Variants in HEATR5B observed in about 807,000 individuals in gnomAD.
The protein encoded by HEATR5B is HEAT repeat-containing protein 5B.
A neutral mutation model predicts 224.1 loss-of-function variants in HEATR5B; 156 were observed. The observed-to-expected ratio is 0.70, with a 90% CI of 0.61 to 0.80. The LOEUF (loss-of-function observed/expected upper bound fraction) is 0.80, where lower values mean the gene tolerates loss of function less well. Among genes scored for constraint, HEATR5B ranks in the 30% least tolerant of loss-of-function variants. The pLI, the probability that HEATR5B is intolerant of heterozygous loss-of-function variation, is 0.00. For missense variants in HEATR5B, 2,323 were observed against 2,535.5 expected (o/e 0.92, Z 1.80); for synonymous variants, 1,027 against 893.0 (o/e 1.15, Z -2.68).
intron 35 of HEATR5B, among the ~76,000 whole-genome samples, chr2:36,984,945 T>C (rs552650319): frequency 1.3e-5 from 2 of 152,274 alleles, no homozygotes; most frequent in South Asian, 4.1e-4. Flanking sequence ...GGACAAGATT[T>C]GAATAACAGA....
intron 10 of HEATR5B, among the ~76,000 whole-genome samples, chr2:37,062,762 CT>C (rs1387414272): frequency 6.6e-6 from 1 of 152,194 alleles, no homozygotes; most frequent in African/African-American, 2.4e-5. Context: ...TCTTCTAAGA[CT>C]GTAAGCTCCA....
chr2:36,999,888 T>A (rs1042379288), intron 33 of HEATR5B, among the ~76,000 whole-genome samples: 5 of 151,482 alleles, frequency 3.3e-5, no homozygotes, highest in African/African-American at 1.2e-4. Flanking sequence ...GGCAGGCATC[T>A]GTAATCCCAG....
chr2:37,017,855 T>C (rs935188428), intron 26 of HEATR5B, among the ~76,000 whole-genome samples: 3 of 152,170 alleles, frequency 2.0e-5, no homozygotes, highest in Non-Finnish European at 2.9e-5. Context: ...CATTTTAAAA[T>C]TTTATGCTGA....
At chr2:37,037,293 A>C (rs1249729730) in intron 21 of HEATR5B, among the ~76,000 whole-genome samples, 7 of 151,174 alleles carry the variant, frequency 4.6e-5, no homozygotes, top group Middle Eastern at 3.4e-3. Flanking sequence ...CTACAGGTGC[A>C]CGCCACCACG....
At chr2:37,038,368 G>A (rs1289399359) in intron 20 of HEATR5B, among the ~76,000 whole-genome samples, 2 of 151,990 alleles carry the variant, frequency 1.3e-5, no homozygotes, top group African/African-American at 4.8e-5. Context: ...TCGAACTTCT[G>A]ACCTCAAATG....
intron 21 of HEATR5B, among the ~76,000 whole-genome samples, chr2:37,034,538 G>A (rs1228954534): frequency 2.1e-5 from 3 of 141,912 alleles, no homozygotes; most frequent in East Asian, 2.1e-4. Context: ...GCGTGAACCC[G>A]GGAGGCGGAG....
At chr2:36,981,872 G>T in intron 35 of HEATR5B, 78 bp from the exon 36 acceptor site, 1 of 1,049,156 alleles carries the variant, frequency 9.5e-7, no homozygotes, top group Non-Finnish European at 1.4e-6. Context: ...AATTGCCATG[G>T]AAGACTGAAC....
chr2:37,045,691 C>T (rs1222909839), intron 18 of HEATR5B, among the ~76,000 whole-genome samples: 1 of 152,206 alleles, frequency 6.6e-6, no homozygotes, highest in East Asian at 1.9e-4. Flanking sequence ...GCTCTCTCCT[C>T]TCTGTTATTC....
At chr2:37,045,930 C>A (rs1314114952) in intron 18 of HEATR5B, among the ~76,000 whole-genome samples, 1 of 152,150 alleles carries the variant, frequency 6.6e-6, no homozygotes, top group African/African-American at 2.4e-5. Flanking sequence ...GTTTTTCTAA[C>A]AATTTAAGAC....
At chr2:37,059,780 T>C (rs1489307842) in intron 12 of HEATR5B, among the ~76,000 whole-genome samples, 1 of 152,058 alleles carries the variant, frequency 6.6e-6, no homozygotes, top group Non-Finnish European at 1.5e-5. Flanking sequence ...TTTTTGCATT[T>C]TGAATTTTTA....
intron 14 of HEATR5B, among the ~76,000 whole-genome samples, chr2:37,058,176 C>CT (rs1671030394): frequency 6.6e-6 from 1 of 152,136 alleles, no homozygotes; most frequent in South Asian, 2.1e-4. Flanking sequence ...AGTTAAGTTT[C>CT]TTTAAGTCTC....
chr2:37,011,393 G>C (rs1454148640), intron 27 of HEATR5B, among the ~76,000 whole-genome samples: 1 of 152,194 alleles, frequency 6.6e-6, no homozygotes, highest in African/African-American at 2.4e-5. Flanking sequence ...TACTCTGCAG[G>C]CAATGGGGAA....
At position 37,007,436 on chromosome 2, in the gene HEATR5B, T is replaced by C. The variant is rs1057356890; in HGVS notation, c.4523-132A>G. ...TTGGCTCACTGCAACCTCCTCCTGC[T>C]GGGTTCAAGCAATTCTCCTGCCTCA... On this transcript the variant is annotated intron_variant, in intron 28 of 35. Coordinates refer to ENST00000233099, the MANE Select transcript of HEATR5B (RefSeq NM_019024.3). The C allele has an allele frequency of 5.1e-6, 5 of 985,550 alleles. No individual in the cohort carries two copies. In the South Asian group the frequency reaches 8.9e-5, roughly 18 times the overall value. The allele number at this position is 985,550 out of a possible 1,614,324, so 61.1% of individuals were successfully genotyped here.
intron 7 of HEATR5B, 23 bp from the exon 8 acceptor site, chr2:37,068,953 C>T (rs376518075): frequency 6.2e-7 from 1 of 1,603,126 alleles, no homozygotes; most frequent in East Asian, 2.2e-5. Context: ...GAAGGTACGA[C>T]TTCAGATACA....
chr2:37,027,844 G>T, intron 24 of HEATR5B, 79 bp downstream of exon 24: 1 of 1,388,366 alleles, frequency 7.2e-7, no homozygotes, highest in Non-Finnish European at 1.0e-6. Context: ...TATATCTGTC[G>T]CAGTAAAATA....
Position 37,028,177 on chromosome 2 carries a change from A to G in HEATR5B, c.3602-3T>C, listed in dbSNP as rs368324358. 9 of 1,588,212 alleles carry G rather than the reference A, an allele frequency of 5.7e-6. No individual in the cohort carries two copies. The African/African-American group carries it at 6.7e-5, about 12-fold the overall frequency. Reference sequence around the variant, plus strand: ...TAAGAGAGTTGCAGTACTCATATCTATAACAAGAATAAGGAATATTGTAAC... The same window carrying G: ...TAAGAGAGTTGCAGTACTCATATCTGTAACAAGAATAAGGAATATTGTAAC... On this transcript the variant is annotated splice_polypyrimidine_tract_variant and splice_region_variant and intron_variant, in intron 23 of 35. Transcript: ENST00000233099.
At chr2:36,998,216 G>T (rs1237734781) in intron 33 of HEATR5B, among the ~76,000 whole-genome samples, 1 of 151,714 alleles carries the variant, frequency 6.6e-6, no homozygotes, top group African/African-American at 2.4e-5. Flanking sequence ...CTTTACAAAA[G>T]AAATAAACCT....
intron 35 of HEATR5B, among the ~76,000 whole-genome samples, chr2:36,982,085 T>C (rs964908128): frequency 2.0e-5 from 3 of 151,508 alleles, no homozygotes; most frequent in Non-Finnish European, 2.9e-5. Context: ...TGCCACCTGG[T>C]AGAATGTATC....
chr2:37,019,061 G>A (rs978840746), intron 26 of HEATR5B, among the ~76,000 whole-genome samples: 3 of 151,998 alleles, frequency 2.0e-5, no homozygotes, highest in Admixed American at 2.0e-4. Context: ...AGGAGGCCGA[G>A]GCAGAAGAAT....
Sources: gnomAD v4.1 joint callset for allele counts (sites outside exome capture counted in the v4.1 genomes callset) on GRCh38, gnomAD v4.1.1 for gene constraint, MANE v1.5 for transcripts, NCBI Gene and HGNC (gene_info 2026-07-23, HGNC 2026-07-21) for gene names.